Variants in USPL1 observed in about 807,000 individuals in gnomAD.
USPL1 encodes the protein ubiquitin specific peptidase like 1.
A neutral mutation model predicts 51.5 loss-of-function variants in USPL1; 27 were observed. The observed-to-expected ratio is 0.52, with a 90% CI of 0.39 to 0.72. The LOEUF is 0.72. USPL1 is among the 30% of genes least tolerant of loss of function. The pLI is 0.00. For synonymous variants in USPL1, 451 were observed against 459.6 expected (o/e 0.98, Z 0.24); for missense variants, 1,226 against 1,268.0 (o/e 0.97, Z 0.50).
At chr13:30,634,285 A>G (rs950999041) in intron 4 of USPL1, among the ~76,000 whole-genome samples, 1 of 152,212 alleles carries the variant, frequency 6.6e-6, no homozygotes, top group Non-Finnish European at 1.5e-5. Context: ...GGGAAGATTC[A>G]CGTTGCCAGT....
chr13:30,637,815 G>T lies in USPL1; in HGVS notation c.940G>T (p.Glu314Ter). 1 of 1,613,680 alleles carries T rather than the reference G, an allele frequency of 6.2e-7. No individual in the cohort carries two copies. The highest frequency in any genetic ancestry group is 8.5e-7 in the Non-Finnish European group (1 of 1,179,820). ...IETCLNEVRD[E>*]IFISLQPQLR... ...GACCTGTCTGAATGAAGTTAGAGAT[G>T]AAATTTTTATTAGCCTTCAGCCCCA... Residue 314 changes from glutamate to a stop codon, truncating the protein, a stop_gained, in exon 5 of 9, where the codon GAA (glutamate) becomes TAA (stop). Transcript: ENST00000255304. LOFTEE classifies it high-confidence loss of function.
Position 30,631,126 on chromosome 13 carries a change from A to AT in USPL1, c.524dup (p.Leu175PhefsTer4), listed in dbSNP as rs1253585346. The stretch of plus-strand genomic sequence containing the variant: ...AGCTGATTCCTTGGAGCGGAATGAG[A>AT]TTTTGGAAGCTGATACTGTTGACAT... On this transcript the variant is annotated frameshift_variant, in exon 4 of 9. Transcript: ENST00000255304. LOFTEE classifies it high-confidence loss of function. 6.2e-7 allele frequency: 1 copy of AT among 1,614,188 alleles called. No individual in the cohort carries two copies. The highest frequency in any genetic ancestry group is 2.2e-5 in the East Asian group (1 of 44,884).
At chr13:30,650,655 T>C (rs1379407237) in intron 7 of USPL1, among the ~76,000 whole-genome samples, 1 of 151,660 alleles carries the variant, frequency 6.6e-6, no homozygotes, top group Non-Finnish European at 1.5e-5. Flanking sequence ...ACTTCAGAGA[T>C]GTTAACAAAT....
At chr13:30,638,759 A>G (rs984375803) in intron 5 of USPL1, among the ~76,000 whole-genome samples, 1 of 151,406 alleles carries the variant, frequency 6.6e-6, no homozygotes, top group Non-Finnish European at 1.5e-5. Flanking sequence ...AATGAGTGAC[A>G]TTTAACTTAT....
intron 8 of USPL1, among the ~76,000 whole-genome samples, chr13:30,653,587 C>T (rs1202163328): frequency 6.6e-6 from 1 of 151,944 alleles, no homozygotes; most frequent in Non-Finnish European, 1.5e-5. Flanking sequence ...CTACTGTTAG[C>T]TCAGTTTTTT....
intron 4 of USPL1, among the ~76,000 whole-genome samples, chr13:30,637,280 G>A (rs1408642718): frequency 6.6e-6 from 1 of 152,144 alleles, no homozygotes; most frequent in Non-Finnish European, 1.5e-5. Flanking sequence ...AGGGAAATAT[G>A]AGATATTAGT....
chr13:30,637,825 T>A lies in USPL1; in HGVS notation c.950T>A (p.Ile317Asn). The A allele has an allele frequency of 6.2e-7, 1 of 1,613,750 alleles. No individual in the cohort carries two copies. The highest frequency in any genetic ancestry group is 8.5e-7 in the Non-Finnish European group (1 of 1,179,830). Residue 317 changes from isoleucine (I) to asparagine (N), a missense_variant, in exon 5 of 9, where the codon ATT becomes AAT. Coordinates refer to ENST00000255304, the MANE Select transcript of USPL1 (RefSeq NM_005800.5). ...AATGAAGTTAGAGATGAAATTTTTA[T>A]TAGCCTTCAGCCCCAGCTTAGATGC... ...CLNEVRDEIF[I>N]SLQPQLRCTL...
intron 3 of USPL1, among the ~76,000 whole-genome samples, chr13:30,627,311 CAA>C (rs1363977088): frequency 6.6e-6 from 1 of 151,542 alleles, no homozygotes; most frequent in Non-Finnish European, 1.5e-5. Flanking sequence ...AAAGAGGCAA[CAA>C]AATTTTATAA....
At chr13:30,624,767 A>G (rs1023098897) in intron 3 of USPL1, among the ~76,000 whole-genome samples, 15 of 152,272 alleles carry the variant, frequency 9.9e-5, no homozygotes, top group African/African-American at 3.6e-4. Context: ...TGAAATACAC[A>G]GAAAATACAT....
intron 3 of USPL1, among the ~76,000 whole-genome samples, chr13:30,622,348 T>C (rs1950657254): frequency 6.6e-6 from 1 of 152,140 alleles, no homozygotes; most frequent in Non-Finnish European, 1.5e-5. Context: ...AAAAGATCCT[T>C]TTAGAAGCTC....
At chr13:30,641,632 T>C (rs1459943253) in intron 5 of USPL1, among the ~76,000 whole-genome samples, 1 of 152,234 alleles carries the variant, frequency 6.6e-6, no homozygotes, top group Non-Finnish European at 1.5e-5. Context: ...GTCTCAAAGC[T>C]GGAAGCCAGC....
chr13:30,652,143 T>C (rs144285034), intron 7 of USPL1, among the ~76,000 whole-genome samples: 210 of 152,332 alleles, frequency 1.4e-3, no homozygotes, highest in African/African-American at 4.9e-3. Context: ...TTCATAGTGG[T>C]ACATTTTATA....
At position 30,658,363 on chromosome 13, in the gene USPL1, C is replaced by T. The variant is rs1402087984; in HGVS notation, c.2286C>T (p.Gly762=). The change falls in exon 9 of 9, where the codon GGC becomes GGT. Residue 762 remains glycine (G), a synonymous_variant. Coordinates refer to ENST00000255304, the MANE Select transcript of USPL1 (RefSeq NM_005800.5). ...CATTTGTGGGAAGTTGGGTTAAAGG[C>T]TTAATAAGCAGGGGTGCTTCTTTTA... ...KKPFVGSWVK[G]LISRGASFMP... 6.2e-7 allele frequency: 1 copy of T among 1,613,736 alleles called. No individual in the cohort carries two copies. Among genetic ancestry groups the T allele is most frequent in the African/African-American group, 1.3e-5 (1 of 75,038 alleles).
intron 8 of USPL1, among the ~76,000 whole-genome samples, chr13:30,656,292 T>G (rs1453546809): frequency 6.6e-6 from 1 of 151,776 alleles, no homozygotes; most frequent in East Asian, 1.9e-4. Flanking sequence ...GAATACATTG[T>G]GTGCAACCAC....
At position 30,657,876 on chromosome 13, in the gene USPL1, A is replaced by G. The variant is rs1465988393; in HGVS notation, c.1799A>G (p.Gln600Arg). The G allele has an allele frequency of 6.2e-7, 1 of 1,614,064 alleles. No homozygotes were observed. The highest frequency in any genetic ancestry group is 1.1e-5 in the South Asian group (1 of 91,070). ...ETIQKTASVS[Q>R]LNSEAFLLEN... Reference sequence around the variant, plus strand: ...ATCCAGAAAACAGCCTCAGTTTCACAGTTAAATTCTGAAGCTTTCCTGTTA... The same window carrying G: ...ATCCAGAAAACAGCCTCAGTTTCACGGTTAAATTCTGAAGCTTTCCTGTTA... The change falls in exon 9 of 9, where the codon CAG (glutamine) becomes CGG (arginine). Residue 600 changes from glutamine to arginine, a missense_variant. Gln to Arg is a conservative substitution (Grantham distance 43). Coordinates refer to ENST00000255304, the MANE Select transcript of USPL1 (RefSeq NM_005800.5).
intron 1 of USPL1, among the ~76,000 whole-genome samples, chr13:30,618,601 T>C (rs1031012451): frequency 5.9e-5 from 9 of 152,284 alleles, no homozygotes; most frequent in African/African-American, 1.7e-4. Flanking sequence ...TTAAGTTTAA[T>C]TGAATACTTT....
intron 5 of USPL1, among the ~76,000 whole-genome samples, chr13:30,642,113 A>G (rs905899106): frequency 2.0e-5 from 3 of 152,074 alleles, no homozygotes; most frequent in South Asian, 4.1e-4. Context: ...ATGCCTCGCT[A>G]TATTGGCCAG....
chr13:30,632,341 A>G (rs1950818095), intron 4 of USPL1, among the ~76,000 whole-genome samples: 1 of 150,406 alleles, frequency 6.6e-6, no homozygotes, highest in Non-Finnish European at 1.5e-5. Flanking sequence ...TATATGTGCC[A>G]CATTTTCTTT....
Position 30,659,946 on chromosome 13 carries a change from C to T in USPL1, c.*590C>T, listed in dbSNP as rs1384015667. 6.6e-6 allele frequency: 1 copy of T among 152,342 alleles called. No individual in the cohort carries two copies. The highest frequency in any genetic ancestry group is 1.9e-4 in the East Asian group (1 of 5,210). 9.4% of individuals were successfully genotyped at this position (152,342 alleles called of 1,614,324 possible). A position where few individuals can be genotyped will look rare whatever the true frequency, so the allele number is the denominator to read the frequency against. The stretch of plus-strand genomic sequence containing the variant: ...AGAAAAGGCCCTGGAGAGGGTGACT[C>T]CTCTCAGCTCTCAGCAGAGAAGCAG... On this transcript the variant is annotated 3_prime_UTR_variant, in exon 9 of 9. Transcript: ENST00000255304.
Sources: gnomAD v4.1 joint callset for allele counts (sites outside exome capture counted in the v4.1 genomes callset) on GRCh38, gnomAD v4.1.1 for gene constraint, MANE v1.5 for transcripts, NCBI Gene and HGNC (gene_info 2026-07-23, HGNC 2026-07-21) for gene names.